GALNT2: variants seen among roughly 807,000 people sequenced by gnomAD.
GALNT2 encodes the protein polypeptide N-acetylgalactosaminyltransferase 2.
A neutral mutation model predicts 81.4 loss-of-function variants in GALNT2; 31 were observed. The ratio of observed to expected loss-of-function variants is 0.38; its 90% confidence interval spans 0.29 to 0.51. The LOEUF (loss-of-function observed/expected upper bound fraction) is 0.51. GALNT2 is among the 20% of genes least tolerant of loss of function. GALNT2 has a pLI of 0.87. For synonymous variants in GALNT2, 303 were observed against 287.4 expected (o/e 1.05, Z -0.55); for missense variants, 629 against 765.7 (o/e 0.82, Z 2.11).
chr1:230,098,570 G>A (rs549141328), intron 1 of GALNT2, among the ~76,000 whole-genome samples: 102 of 152,014 alleles, frequency 6.7e-4, no homozygotes, highest in African/African-American at 2.4e-3. Flanking sequence ...GCGGTAAGAC[G>A]AGATGGGGGA....
At position 230,281,014 on chromosome 1, in the gene GALNT2, A is replaced by G. The variant is rs13490; in HGVS notation, c.*1556A>G. On this transcript the variant is annotated 3_prime_UTR_variant, in exon 16 of 16. Transcript: ENST00000366672. ...TCCAGCGCCGCACACACAGATGCTC[A>G]GTCTCAGAGAGGCTGGCACGGCCTG... 0.35 allele frequency: 52,595 copies of G among 152,072 alleles called. 12,412 individuals carry two copies. Among genetic ancestry groups the G allele is most frequent in the East Asian group, 0.85 (4,356 of 5,130 alleles). The allele number at this position is 152,072 out of a possible 1,614,324, so 9.4% of individuals were successfully genotyped here. A position where few individuals can be genotyped will look rare whatever the true frequency, so the allele number is the denominator to read the frequency against.
At chr1:230,274,360 C>T (rs910592446) in intron 14 of GALNT2, 85 bp from the exon 15 acceptor site, 4 of 1,535,688 alleles carry the variant, frequency 2.6e-6, no homozygotes, top group Non-Finnish European at 3.5e-6. Context: ...TGACCCATTT[C>T]CTTTTTGAGC....
At chr1:230,126,325 G>A (rs1661174761) in intron 1 of GALNT2, among the ~76,000 whole-genome samples, 1 of 152,204 alleles carries the variant, frequency 6.6e-6, no homozygotes, top group African/African-American at 2.4e-5. Flanking sequence ...GAAAGGGCCT[G>A]GTGATGAGTA....
At chr1:230,129,818 C>A (rs1044245227) in intron 1 of GALNT2, among the ~76,000 whole-genome samples, 1 of 152,234 alleles carries the variant, frequency 6.6e-6, no homozygotes, top group African/African-American at 2.4e-5. Flanking sequence ...TGACCTGACA[C>A]TGAAAAGGCT....
At position 230,243,548 on chromosome 1, in the gene GALNT2, G is replaced by T; in HGVS notation, c.729+121G>T. Reference sequence around the variant, plus strand: ...TAGGGCGTCAGGGCTGGTAGGGGCTGAGCTCGCCGTCTGCAGTTTTCCTTG... The same window carrying T: ...TAGGGCGTCAGGGCTGGTAGGGGCTTAGCTCGCCGTCTGCAGTTTTCCTTG... On this transcript the variant is annotated intron_variant, in intron 7 of 15. Coordinates refer to ENST00000366672, the MANE Select transcript of GALNT2 (RefSeq NM_004481.5). This position sits in a 1 kb window ranked among gnomAD's most constrained non-coding sequence, Gnocchi z 4.2. The T allele has an allele frequency of 1.6e-6, 2 of 1,276,022 alleles. No individual in the cohort carries two copies. The highest frequency in any genetic ancestry group is 2.1e-6 in the Non-Finnish European group (2 of 958,124). 79.0% of individuals were successfully genotyped at this position (1,276,022 alleles called of 1,614,324 possible).
intron 2 of GALNT2, among the ~76,000 whole-genome samples, chr1:230,191,338 A>T (rs1341762204): frequency 6.6e-6 from 1 of 152,228 alleles, no homozygotes; most frequent in Non-Finnish European, 1.5e-5. Flanking sequence ...GTGTCCGATG[A>T]GGAACATGTG....
At chr1:230,144,247 T>A (rs909633388) in intron 1 of GALNT2, among the ~76,000 whole-genome samples, 20 of 152,150 alleles carry the variant, frequency 1.3e-4, no homozygotes, top group African/African-American at 4.8e-4. Context: ...CTATTTAGTG[T>A]CCAGACCTGA....
intron 1 of GALNT2, among the ~76,000 whole-genome samples, chr1:230,071,307 G>A (rs1320739000): frequency 6.6e-6 from 1 of 152,166 alleles, no homozygotes; most frequent in African/African-American, 2.4e-5. Flanking sequence ...TTTTTGGGAA[G>A]TTGTCCAGAC....
intron 1 of GALNT2, among the ~76,000 whole-genome samples, chr1:230,128,982 C>T (rs957306156): frequency 1.3e-5 from 2 of 152,250 alleles, no homozygotes; most frequent in African/African-American, 4.8e-5. Context: ...TCCACCAGCT[C>T]CTTCTTCCTG....
chr1:230,080,483 G>T (rs546614014), intron 1 of GALNT2, among the ~76,000 whole-genome samples: 1 of 152,304 alleles, frequency 6.6e-6, no homozygotes, highest in African/African-American at 2.4e-5. Context: ...GGAAGGTCTA[G>T]CATCAGCAGG....
rs1256262732 is a variant in GALNT2, at chr1:230,118,549, C to T, written c.126+51143C>T. Among the ~76,000 whole-genome samples, 4 of 152,346 alleles carry T rather than the reference C, an allele frequency of 2.6e-5. No homozygotes were observed. The East Asian group carries it at 5.8e-4, about 22-fold the overall frequency. The stretch of plus-strand genomic sequence containing the variant: ...TCTTTTATAGTCCCATCAGTGCCAC[C>T]ATCTGCAGGGTCACCAGAGTCCCTG... On this transcript the variant is annotated intron_variant, in intron 1 of 15. Coordinates refer to ENST00000366672, the MANE Select transcript of GALNT2 (RefSeq NM_004481.5).
intron 14 of GALNT2, among the ~76,000 whole-genome samples, chr1:230,272,677 C>T (rs575827643): frequency 3.3e-5 from 5 of 152,272 alleles, no homozygotes; most frequent in South Asian, 4.2e-4. Flanking sequence ...TCTGCTGATG[C>T]TGAGAGCTGG....
chr1:230,260,199 T>C (rs922890394), intron 11 of GALNT2, among the ~76,000 whole-genome samples: 1 of 152,354 alleles, frequency 6.6e-6, no homozygotes, highest in South Asian at 2.1e-4. Context: ...TATTTAATAC[T>C]TATTTAATAC....
At chr1:230,232,424 G>A (rs1216406754) in intron 3 of GALNT2, among the ~76,000 whole-genome samples, 4 of 152,138 alleles carry the variant, frequency 2.6e-5, no homozygotes, top group Admixed American at 2.0e-4. Flanking sequence ...AATGCTCCTG[G>A]GAGATGAGGC....
chr1:230,268,177 A>G (rs1420306864), intron 14 of GALNT2: 1 of 152,274 alleles, frequency 6.6e-6, no homozygotes, highest in East Asian at 1.9e-4. Context: ...TCTCATTCTC[A>G]GCAAGCTGGG....
At chr1:230,155,501 A>G (rs1469781968) in intron 1 of GALNT2, among the ~76,000 whole-genome samples, 1 of 152,182 alleles carries the variant, frequency 6.6e-6, no homozygotes, top group Non-Finnish European at 1.5e-5. Context: ...GTCAAGATAA[A>G]GAAATTTTAG....
chr1:230,123,091 T>A (rs1180658764), intron 1 of GALNT2, among the ~76,000 whole-genome samples: 1 of 152,242 alleles, frequency 6.6e-6, no homozygotes, highest in African/African-American at 2.4e-5. Context: ...TTAGGAGACT[T>A]CACACTTATT....
At chr1:230,152,770 T>A (rs1180067075) in intron 1 of GALNT2, among the ~76,000 whole-genome samples, 1 of 152,196 alleles carries the variant, frequency 6.6e-6, no homozygotes, top group African/African-American at 2.4e-5. Flanking sequence ...TCAGGTAGCT[T>A]CCTCTTTGAA....
In GALNT2 at chr1:230,263,016, AG is replaced by A; in HGVS notation, c.1313+14del. ...CTATCCAGAGTTAAGGTAAGTCCCC[AG>A]GGATCTGGGGTTTCACTTTGTAAGG... On this transcript the variant is annotated intron_variant, in intron 13 of 15. Coordinates refer to ENST00000366672, the MANE Select transcript of GALNT2 (RefSeq NM_004481.5). The A allele has an allele frequency of 6.2e-7, 1 of 1,611,036 alleles. No homozygotes were observed. The highest frequency in any genetic ancestry group is 1.1e-5 in the South Asian group (1 of 91,038).
Sources: allele counts gnomAD v4.1 joint callset (sites outside exome capture counted in the v4.1 genomes callset), GRCh38; gene constraint gnomAD v4.1.1; non-coding constraint Gnocchi (gnomAD v3.1); transcripts MANE v1.5; gene names NCBI Gene and HGNC (gene_info 2026-07-23, HGNC 2026-07-21).